Variants in SRPK2 observed in about 807,000 individuals in gnomAD.
SRPK2 encodes SRSF protein kinase 2, also known as SFRS protein kinase 2.
In SRPK2, 21 loss-of-function variants were observed where a neutral mutation model predicts 90.8. The observed-to-expected ratio is 0.23, with a 90% confidence interval of 0.16 to 0.33. The LOEUF is 0.33. SRPK2 is among the 10% of genes least tolerant of loss of function. The probability of loss-of-function intolerance (pLI) is 1.00; values close to 1 mark genes in which losing one functional copy is unlikely to be tolerated. For missense variants in SRPK2, 620 were observed against 869.0 expected (o/e 0.71, Z 3.60); for synonymous variants, 288 against 311.1 (o/e 0.93, Z 0.78).
chr7:105,154,887 C>T (rs1209624798), intron 7 of SRPK2, among the ~76,000 whole-genome samples: 1 of 151,900 alleles, frequency 6.6e-6, no homozygotes, highest in African/African-American at 2.4e-5. Context: ...ATTGGTCAGG[C>T]TGGTCTAGAA....
At chr7:105,361,439 A>T (rs1158832418) in intron 2 of SRPK2, among the ~76,000 whole-genome samples, 1 of 152,208 alleles carries the variant, frequency 6.6e-6, no homozygotes, top group Non-Finnish European at 1.5e-5. Context: ...CCATCAAGCT[A>T]CCAATTACTT....
chr7:105,244,966 A>G lies in SRPK2; in HGVS notation c.72-41181T>C, dbSNP rs544200561. The G allele has an allele frequency of 2.2e-6, 3 of 1,387,952 alleles. No individual in the cohort carries two copies. The African/African-American group carries it at 4.3e-5, about 20-fold the overall frequency. The allele number at this position is 1,387,952 out of a possible 1,614,324, so 86.0% of individuals were successfully genotyped here. On this transcript the variant is annotated intron_variant, in intron 2 of 15. Coordinates refer to ENST00000393651, the MANE Select transcript of SRPK2 (RefSeq NM_182692.3). ...ATGAGGAAAGCCGCTGCCAAGAAAG[A>G]CTGAGCCCCCTTCCCTGCCCTCTCC...
At chr7:105,390,851 G>A (rs534085982), upstream of SRPK2, among the ~76,000 whole-genome samples, 3 of 152,056 alleles carry the variant, frequency 2.0e-5, no homozygotes, top group African/African-American at 4.8e-5. Context: ...GGATTTGTCT[G>A]TTTCCCTATG....
chr7:105,376,714 T>A (rs560440931), intron 2 of SRPK2, among the ~76,000 whole-genome samples: 1 of 151,692 alleles, frequency 6.6e-6, no homozygotes, highest in African/African-American at 2.4e-5. Flanking sequence ...ATTTTTGTAT[T>A]TTTAGTAGAG....
At chr7:105,247,112 T>A (rs1284939118) in intron 2 of SRPK2, among the ~76,000 whole-genome samples, 2 of 152,160 alleles carry the variant, frequency 1.3e-5, no homozygotes, top group Non-Finnish European at 2.9e-5. Context: ...AAACCATGCT[T>A]CCATGGGCTT....
intron 11 of SRPK2, among the ~76,000 whole-genome samples, chr7:105,138,671 G>A (rs1484725803): frequency 2.0e-5 from 3 of 152,108 alleles, no homozygotes; most frequent in Non-Finnish European, 2.9e-5. Flanking sequence ...ACATGGTAGT[G>A]CCAACTGTAG....
chr7:105,159,464 A>AAACAAAAAAAAAAACAAAAAAAAAAAAAC (rs1807165304), intron 7 of SRPK2, among the ~76,000 whole-genome samples: 1 of 141,598 alleles, frequency 7.1e-6, no homozygotes, highest in African/African-American at 2.9e-5. Context: ...AAAAAAAAAA[A>AAACAAAAAAAAAAACAAAAAAAAAAAAAC]AAAAAAAAAC....
chr7:105,383,052 A>ATTTTTTTTTTTTTTTTTTTTT lies in SRPK2; in HGVS notation c.71+5595_71+5596insAAAAAAAAAAAAAAAAAAAAA, dbSNP rs1563315577. Among the ~76,000 whole-genome samples the ATTTTTTTTTTTTTTTTTTTTT allele has an allele frequency of 7.6e-5, 8 of 105,276 alleles. 4 individuals carry two copies. The highest frequency in any genetic ancestry group is 1.5e-4 in the African/African-American group (4 of 26,488). 69.1% of individuals were successfully genotyped at this position (105,276 alleles called of 152,430 possible). A position where few individuals can be genotyped will look rare whatever the true frequency, so the allele number is the denominator to read the frequency against. On this transcript the variant is annotated intron_variant, in intron 2 of 15. Coordinates refer to ENST00000393651, the MANE Select transcript of SRPK2 (RefSeq NM_182692.3). ...AGTCTGAAATTATTTCAAAAGTAAA[A>ATTTTTTTTTTTTTTTTTTTTT]ATTTTTTTTTTTTTTTTTTTTTTTT...
At chr7:105,242,526 A>G (rs1283420660) in intron 2 of SRPK2, among the ~76,000 whole-genome samples, 1 of 152,132 alleles carries the variant, frequency 6.6e-6, no homozygotes, top group African/African-American at 2.4e-5. Flanking sequence ...ATAAATAAAT[A>G]AATAAAAAGC....
chr7:105,298,505 G>C (rs1451351103), intron 2 of SRPK2, among the ~76,000 whole-genome samples: 1 of 152,120 alleles, frequency 6.6e-6, no homozygotes, highest in African/African-American at 2.4e-5. Flanking sequence ...AAATACCCAG[G>C]AGTAGGTCAT....
At chr7:105,216,638 G>A (rs1246073786) in intron 2 of SRPK2, among the ~76,000 whole-genome samples, 1 of 130,416 alleles carries the variant, frequency 7.7e-6, no homozygotes, top group Non-Finnish European at 1.7e-5. Flanking sequence ...CTGGGCAACA[G>A]AATGAGACCC....
At chr7:105,230,654 C>T (rs1051485140) in intron 2 of SRPK2, among the ~76,000 whole-genome samples, 1 of 152,168 alleles carries the variant, frequency 6.6e-6, no homozygotes, top group Non-Finnish European at 1.5e-5. Flanking sequence ...ATCATATACA[C>T]AGATAAAGGA....
intron 11 of SRPK2, among the ~76,000 whole-genome samples, chr7:105,135,245 T>A (rs1236347385): frequency 6.6e-6 from 1 of 152,228 alleles, no homozygotes; most frequent in South Asian, 2.1e-4. Flanking sequence ...TTAAACTCTA[T>A]GAGGCTTGGT....
intron 6 of SRPK2, 43 bp from the exon 7 acceptor site, chr7:105,160,656 G>C: frequency 8.6e-7 from 1 of 1,161,870 alleles, no homozygotes; most frequent in South Asian, 1.2e-5. Flanking sequence ...ACTGCCTGGA[G>C]TGAGGCAGTT....
chr7:105,338,859 GATA>G (rs1223557682), intron 2 of SRPK2, among the ~76,000 whole-genome samples: 1 of 152,062 alleles, frequency 6.6e-6, no homozygotes, highest in Non-Finnish European at 1.5e-5. Context: ...TTTTCAAAAA[GATA>G]ATACCACCTG....
At chr7:105,288,816 G>A (rs1032827058) in intron 2 of SRPK2, among the ~76,000 whole-genome samples, 3 of 152,022 alleles carry the variant, frequency 2.0e-5, no homozygotes, top group Non-Finnish European at 4.4e-5. Flanking sequence ...AGAGGAGGAA[G>A]ACATGTGCTA....
intron 2 of SRPK2, among the ~76,000 whole-genome samples, chr7:105,365,315 T>C (rs559788508): frequency 2.6e-5 from 4 of 151,562 alleles, no homozygotes; most frequent in African/African-American, 9.7e-5. Context: ...TGAAACCCGA[T>C]CTCTACTAAA....
chr7:105,204,549 T>C (rs1795961722), intron 2 of SRPK2: 1 of 412,024 alleles, frequency 2.4e-6, no homozygotes, highest in East Asian at 7.2e-5. Context: ...AGCACATCTC[T>C]CCCTTAAGCT....
chr7:105,353,530 G>A (rs1163459297), intron 2 of SRPK2, among the ~76,000 whole-genome samples: 2 of 151,642 alleles, frequency 1.3e-5, no homozygotes, highest in African/African-American at 4.8e-5. Context: ...TGTTGTTGTT[G>A]TTGTTGTTGT....
Sources: gnomAD v4.1 joint callset for allele counts (sites outside exome capture counted in the v4.1 genomes callset) on GRCh38, gnomAD v4.1.1 for gene constraint, MANE v1.5 for transcripts, NCBI Gene and HGNC (gene_info 2026-07-23, HGNC 2026-07-21) for gene names.